The following INTS8 variants were observed in gnomAD, a reference collection of about 807,000 sequenced individuals.
INTS8 encodes protein kaonashi-1.
Under a neutral mutation model 138.9 loss-of-function variants are expected in INTS8, and 47 were observed. The observed-to-expected ratio is 0.34, with a 90% CI of 0.27 to 0.43. The LOEUF (loss-of-function observed/expected upper bound fraction) is 0.43, where lower values mean the gene tolerates loss of function less well. Among genes scored for constraint, INTS8 ranks in the 20% least tolerant of loss-of-function variants. INTS8 has a pLI of 1.00. For missense variants in INTS8, 996 were observed against 1,173.0 expected, an observed-to-expected ratio of 0.85 and a Z score of 2.20; for synonymous variants, 392 against 400.9, an observed-to-expected ratio of 0.98 and a Z score of 0.27.
intron 2 of INTS8, among the ~76,000 whole-genome samples, 166 bp from the exon 3 acceptor site, chr8:94,827,096 CT>C (rs1174086921): frequency 6.6e-6 from 1 of 152,090 alleles, no homozygotes; most frequent in African/African-American, 2.4e-5. Flanking sequence ...CAGAGCGAGA[CT>C]CTGTCTCAAA....
chr8:94,827,913 C>A lies in INTS8; in HGVS notation c.518+120C>A. 6 of 831,992 alleles carry A rather than the reference C, an allele frequency of 7.2e-6. No homozygotes were observed. In the South Asian group the frequency reaches 8.8e-5, roughly 12 times the overall value. The allele number at this position is 831,992 out of a possible 1,614,324, so 51.5% of individuals were successfully genotyped here. A position where few individuals can be genotyped will look rare whatever the true frequency, so the allele number is the denominator to read the frequency against. ...AGAGCAGGAATAGGAGGGCAGAAGG[C>A]CTGTGTGAAGGTTTGTTTGAAGGAG... is the stretch of plus-strand genomic sequence containing the variant. On this transcript the variant is annotated intron_variant, in intron 4 of 26. Transcript: ENST00000523731.
In INTS8 at chr8:94,866,159, A is replaced by C. The variant is rs150502842; in HGVS notation, c.2263A>C (p.Ser755Arg). Residue 755 changes from serine to arginine, a missense_variant and splice_region_variant, in exon 18 of 27, where the codon AGT (serine) becomes CGT (arginine). Physicochemically the swap from Ser to Arg is moderately radical, Grantham distance 110. Coordinates refer to ENST00000523731, the MANE Select transcript of INTS8 (RefSeq NM_017864.4). The part of the protein sequence containing the change: ...RESTLGIMYR[S>R]ELLSFIKKLR... ...TATTCAAAAATTTTTGTTTTGTAGGAGTGAACTGCTTTCTTTTATCAAAAA... is the reference window on the plus strand; with the variant it reads ...TATTCAAAAATTTTTGTTTTGTAGGCGTGAACTGCTTTCTTTTATCAAAAA... 6,652 of 1,272,092 alleles carry C rather than the reference A, an allele frequency of 5.2e-3. 28 individuals are homozygous for C. The highest frequency in any genetic ancestry group is 6.9e-3 in the Non-Finnish European group (6,162 of 891,164). 78.8% of individuals were successfully genotyped at this position (1,272,092 alleles called of 1,614,324 possible). A position where few individuals can be genotyped will look rare whatever the true frequency, so the allele number is the denominator to read the frequency against.
rs529343024 is a variant in INTS8 at position 94,839,263 on chromosome 8, C to T, written c.1017+645C>T. Among the ~76,000 whole-genome samples, 6 of 152,254 alleles carry T rather than the reference C, an allele frequency of 3.9e-5. No homozygotes were observed. In the South Asian group the frequency reaches 6.2e-4, roughly 16 times the overall value. ...AGTCTCTTGAGACTTTTATTGTGCGCGCCCCACCCTCCCCACCAACACGCA... is the reference window on the plus strand; with the variant it reads ...AGTCTCTTGAGACTTTTATTGTGCGTGCCCCACCCTCCCCACCAACACGCA... On this transcript the variant is annotated intron_variant, in intron 8 of 26. Transcript: ENST00000523731.
chr8:94,828,844 C>G (rs1371981559), intron 4 of INTS8, 131 bp from the exon 5 acceptor site: 10 of 648,228 alleles, frequency 1.5e-5, no homozygotes, highest in Non-Finnish European at 2.4e-5. Context: ...TTTTTTCAAA[C>G]ATGAAAATGA....
intron 11 of INTS8, 26 bp downstream of exon 11, chr8:94,849,558 T>C (rs1586494954): frequency 4.5e-6 from 2 of 443,232 alleles, no homozygotes; most frequent in Non-Finnish European, 6.9e-6. Context: ...TTCTTTTTTC[T>C]TTTTTTTTTT....
rs778837794 is a variant in INTS8, at chr8:94,841,510, T to C, written c.1037T>C (p.Ile346Thr). ...TTCTAGGAGGTAATACAGATTTTCA[T>C]TGAAGACAACTTAACCTTGAGTTTA... ...GNYQEVIQIF[I>T]EDNLTLSLPV... The change falls in exon 9 of 27, where the codon ATT becomes ACT. Residue 346 changes from isoleucine to threonine, a missense_variant. Physicochemically the swap from Ile to Thr is moderately conservative, Grantham distance 89. Transcript: ENST00000523731. 2.4e-5 allele frequency: 38 copies of C among 1,599,496 alleles called. No individual in the cohort carries two copies. Among genetic ancestry groups the C allele is most frequent in the South Asian group, 3.4e-5 (3 of 89,506 alleles).
intron 7 of INTS8, among the ~76,000 whole-genome samples, chr8:94,837,149 C>T (rs981022622): frequency 1.2e-4 from 18 of 152,210 alleles, no homozygotes; most frequent in African/African-American, 4.3e-4. Flanking sequence ...TCACAGAGCA[C>T]TTCAGTTAGC....
chr8:94,835,621 A>G (rs2131005098), intron 6 of INTS8, among the ~76,000 whole-genome samples: 1 of 149,554 alleles, frequency 6.7e-6, no homozygotes, highest in South Asian at 2.1e-4. Context: ...TTTTTTTGAG[A>G]CAGAGTCTCG....
intron 15 of INTS8, among the ~76,000 whole-genome samples, chr8:94,858,820 A>G (rs573948408): frequency 6.6e-6 from 1 of 152,182 alleles, no homozygotes; most frequent in Non-Finnish European, 1.5e-5. Context: ...TCTTTGTGCT[A>G]CCTTTTTGGC....
chr8:94,859,593 A>C lies in INTS8; in HGVS notation c.2037A>C (p.Gln679His). The change falls in exon 16 of 27, where the codon CAA becomes CAC. Residue 679 changes from glutamine to histidine, a missense_variant. Physicochemically the swap from Gln to His is conservative, Grantham distance 24. Transcript: ENST00000523731. ...GAGAAAATGAATACCTTACACTCCA[A>C]GTTCCTGCATTTTTGCTTCAGAGTA... ...NWRENEYLTL[Q>H]VPAFLLQSNP... is the part of the protein sequence containing the mutation. 1.9e-6 allele frequency: 3 copies of C among 1,612,042 alleles called. No homozygotes were observed. The highest frequency in any genetic ancestry group is 2.5e-6 in the Non-Finnish European group (3 of 1,178,260).
At chr8:94,827,233 G>A (rs766842918) in intron 2 of INTS8, 30 bp from the exon 3 acceptor site, 3 of 1,599,166 alleles carry the variant, frequency 1.9e-6, no homozygotes, top group East Asian at 2.2e-5. Flanking sequence ...CACAATTAAT[G>A]TGCAAACATG....
intron 8 of INTS8, among the ~76,000 whole-genome samples, chr8:94,839,128 A>G (rs750894525): frequency 6.6e-6 from 1 of 152,228 alleles, no homozygotes; most frequent in African/African-American, 2.4e-5. Flanking sequence ...AAGGGAGCAC[A>G]GTGAACACGG....
intron 14 of INTS8, among the ~76,000 whole-genome samples, chr8:94,856,138 C>T (rs1441236087): frequency 1.3e-5 from 2 of 152,198 alleles, no homozygotes; most frequent in East Asian, 3.8e-4. Context: ...AAGGGCAATA[C>T]ATAGCACTGA....
chr8:94,872,764 C>T (rs936687475), intron 21 of INTS8, among the ~76,000 whole-genome samples: 49 of 152,174 alleles, frequency 3.2e-4, no homozygotes, highest in African/African-American at 1.2e-3. Context: ...AAATTTCTGA[C>T]TAGAATCATT....
intron 21 of INTS8, among the ~76,000 whole-genome samples, chr8:94,872,229 A>C (rs902602858): frequency 6.6e-6 from 1 of 151,766 alleles, no homozygotes; most frequent in Admixed American, 6.6e-5. Context: ...TCAAAAAAAC[A>C]GTGAATTTTT....
intron 10 of INTS8, among the ~76,000 whole-genome samples, chr8:94,845,940 C>A (rs890103567): frequency 6.6e-6 from 1 of 152,064 alleles, no homozygotes; most frequent in Non-Finnish European, 1.5e-5. Context: ...CTTAGGGAGA[C>A]CCCTAAGAAT....
intron 14 of INTS8, 123 bp downstream of exon 14, chr8:94,854,038 C>T: frequency 7.2e-6 from 4 of 558,484 alleles, no homozygotes; most frequent in Non-Finnish European, 9.8e-6. Context: ...AGGTCAAGAC[C>T]AGCCTGGCCA....
intron 25 of INTS8, 48 bp downstream of exon 25, chr8:94,876,333 A>T (rs1438236550): frequency 6.7e-7 from 1 of 1,483,376 alleles, no homozygotes; most frequent in South Asian, 1.2e-5. Flanking sequence ...CATTTTTATA[A>T]ATTAAAGGAA....
At chr8:94,841,982 T>A (rs1253738131) in intron 9 of INTS8, among the ~76,000 whole-genome samples, 1 of 151,400 alleles carries the variant, frequency 6.6e-6, no homozygotes. Flanking sequence ...GGCACGAGAA[T>A]CGCTTGAACC....
Sources: allele counts gnomAD v4.1 joint callset (sites outside exome capture counted in the v4.1 genomes callset), GRCh38; gene constraint gnomAD v4.1.1; transcripts MANE v1.5; gene names NCBI Gene and HGNC (gene_info 2026-07-23, HGNC 2026-07-21).